Variants in LPCAT2 observed in about 807,000 individuals in gnomAD.
LPCAT2 encodes the protein 1-AGP acyltransferase 11.
In LPCAT2, 58 loss-of-function variants were observed where a neutral mutation model predicts 64.7. The observed-to-expected ratio is 0.90, with a 90% CI of 0.73 to 1.12. The LOEUF is 1.12. Among genes scored for constraint, LPCAT2 ranks in the 50% most tolerant of loss-of-function variants. The pLI is 0.00. For missense variants in LPCAT2, 579 were observed against 669.8 expected, an observed-to-expected ratio of 0.86 and a Z score of 1.50; for synonymous variants, 252 against 245.3, an observed-to-expected ratio of 1.03 and a Z score of -0.26.
chr16:55,534,392 AT>A (rs1410502702), intron 6 of LPCAT2, 50 bp from the exon 7 acceptor site: 1 of 1,055,550 alleles, frequency 9.5e-7, no homozygotes, highest in African/African-American at 1.6e-5. Context: ...TCTTTATTTT[AT>A]TTAGTATTTT....
At chr16:55,571,613 T>C (rs1371517540) in intron 11 of LPCAT2, among the ~76,000 whole-genome samples, 1 of 152,172 alleles carries the variant, frequency 6.6e-6, no homozygotes, top group African/African-American at 2.4e-5. Flanking sequence ...CCCTGAAATA[T>C]CTTCAAGTCT....
intron 8 of LPCAT2, chr16:55,545,531 A>G: frequency 2.4e-6 from 1 of 414,754 alleles, no homozygotes; most frequent in Non-Finnish European, 4.3e-6. Flanking sequence ...ATCAAAGTTA[A>G]ATGACATACT....
Position 55,551,023 on chromosome 16 carries a change from T to C in LPCAT2, c.1136T>C (p.Ile379Thr), listed in dbSNP as rs1963511080. 1.9e-6 allele frequency: 3 copies of C among 1,613,304 alleles called. No homozygotes were observed. The highest frequency in any genetic ancestry group is 2.2e-5 in the South Asian group (2 of 91,014). ...GCGAGTTCCTCAAAAGGAGGAAGAA[T>C]TGGAATTGAAGAATTCGCCAAGTAT... ...SIASSSKGGR[I>T]GIEEFAKYLK... The change falls in exon 11 of 14, where the codon ATT (isoleucine) becomes ACT (threonine). Residue 379 changes from isoleucine to threonine, a missense_variant. By Grantham distance (89) the Ile-to-Thr change is moderately conservative. Coordinates refer to ENST00000262134, the MANE Select transcript of LPCAT2 (RefSeq NM_017839.5).
In LPCAT2 at chr16:55,562,103, A is replaced by T. The variant is rs527712825; in HGVS notation, c.1215+11001A>T. 2.2e-4 allele frequency among the ~76,000 whole-genome samples: 33 copies of T among 151,966 alleles called. No individual in the cohort carries two copies. In the Middle Eastern group the frequency reaches 0.01, roughly 47 times the overall value. On this transcript the variant is annotated intron_variant, in intron 11 of 13. Transcript: ENST00000262134. ...GTTTCTACAATTACTTGTGAGAGAG[A>T]CTCTGCCACATAGCAGTTCAAACCC...
At chr16:55,552,718 G>C (rs369922059) in intron 11 of LPCAT2, among the ~76,000 whole-genome samples, 1 of 152,170 alleles carries the variant, frequency 6.6e-6, no homozygotes, top group Admixed American at 6.5e-5. Flanking sequence ...AATAAACAAT[G>C]TGTATACCTT....
At chr16:55,512,973 A>G (rs1209879305) in intron 1 of LPCAT2, among the ~76,000 whole-genome samples, 2 of 152,226 alleles carry the variant, frequency 1.3e-5, no homozygotes, top group African/African-American at 4.8e-5. Context: ...AATTTTACCT[A>G]CCTGCCAGGA....
chr16:55,549,811 A>T (rs1293465742), intron 10 of LPCAT2, among the ~76,000 whole-genome samples: 1 of 152,246 alleles, frequency 6.6e-6, no homozygotes, highest in Non-Finnish European at 1.5e-5. Flanking sequence ...ACCACCACTG[A>T]ACATTAAATA....
rs1345988296 is a variant in LPCAT2 at position 55,583,249 on chromosome 16, T to C, written c.*151T>C. ...TAGATTTTCTTACTAAAAATGTTTT[T>C]ATTAACCTTGCTTTTATTGGAAAAA... is the stretch of plus-strand genomic sequence containing the variant. On this transcript the variant is annotated 3_prime_UTR_variant, in exon 14 of 14. Transcript: ENST00000262134. The C allele has an allele frequency of 6.1e-6, 4 of 654,648 alleles. No homozygotes were observed. The highest frequency in any genetic ancestry group is 9.7e-6 in the Non-Finnish European group (4 of 411,010). 40.6% of individuals were successfully genotyped at this position (654,648 alleles called of 1,614,324 possible).
At position 55,574,731 on chromosome 16, in the gene LPCAT2, T is replaced by C. The variant is rs1963808933; in HGVS notation, c.1314+2T>C. On this transcript the variant is annotated splice_donor_variant, in intron 12 of 13. Transcript: ENST00000262134. LOFTEE classifies it high-confidence loss of function. ...GAGATCATCCAGGTGGCATTTAAGG[T>C]ACTGTCAGCCCCATTGAAAGCATCT... 6.2e-7 allele frequency: 1 copy of C among 1,611,170 alleles called. No individual in the cohort carries two copies. The highest frequency in any genetic ancestry group is 8.5e-7 in the Non-Finnish European group (1 of 1,177,630).
chr16:55,539,131 C>G (rs1963363576), intron 8 of LPCAT2: 1 of 151,804 alleles, frequency 6.6e-6, no homozygotes, highest in Admixed American at 6.6e-5. Flanking sequence ...ACAAAGCTGT[C>G]TTTTTTGCCA....
chr16:55,549,490 C>T (rs1963491254), intron 10 of LPCAT2, 88 bp downstream of exon 10: 3 of 1,241,052 alleles, frequency 2.4e-6, no homozygotes, highest in Non-Finnish European at 3.3e-6. Context: ...TTTATTAATG[C>T]TCAGCTCTAG....
At chr16:55,572,786 G>A (rs1053761127) in intron 11 of LPCAT2, among the ~76,000 whole-genome samples, 24 of 152,066 alleles carry the variant, frequency 1.6e-4, no homozygotes, top group African/African-American at 5.6e-4. Flanking sequence ...CATGCCTATG[G>A]ATAGCCACTG....
chr16:55,544,544 G>A (rs8059138), intron 8 of LPCAT2, among the ~76,000 whole-genome samples: 13,214 of 152,148 alleles, frequency 0.087, 838 homozygotes, highest in African/African-American at 0.17. Flanking sequence ...ATAAAATAAC[G>A]TATGTAAAAC....
intron 13 of LPCAT2, among the ~76,000 whole-genome samples, chr16:55,579,674 A>C (rs763302906): frequency 6.6e-6 from 1 of 152,196 alleles, no homozygotes; most frequent in Non-Finnish European, 1.5e-5. Context: ...GGCCAGGCAA[A>C]ACTGAACAAG....
At chr16:55,571,711 T>C (rs1963772235) in intron 11 of LPCAT2, among the ~76,000 whole-genome samples, 1 of 152,218 alleles carries the variant, frequency 6.6e-6, no homozygotes, top group Non-Finnish European at 1.5e-5. Flanking sequence ...ATAATTCTTA[T>C]CATGATACTG....
intron 1 of LPCAT2, among the ~76,000 whole-genome samples, chr16:55,520,065 T>G (rs1358186815): frequency 1.3e-5 from 2 of 152,132 alleles, no homozygotes; most frequent in African/African-American, 4.8e-5. Context: ...ATAATTACAT[T>G]TAGTATACAT....
At chr16:55,560,511 C>T (rs1322403964) in intron 11 of LPCAT2, among the ~76,000 whole-genome samples, 1 of 152,082 alleles carries the variant, frequency 6.6e-6, no homozygotes, top group Non-Finnish European at 1.5e-5. Context: ...GTTGTAGAAC[C>T]AGACCCAGAT....
chr16:55,546,746 A>G (rs1963458428), intron 9 of LPCAT2, among the ~76,000 whole-genome samples: 1 of 152,176 alleles, frequency 6.6e-6, no homozygotes, highest in Admixed American at 6.5e-5. Flanking sequence ...TGTTTTATCT[A>G]GTTTCTAGAT....
chr16:55,548,934 C>T (rs531027220), intron 9 of LPCAT2, among the ~76,000 whole-genome samples: 73 of 152,336 alleles, frequency 4.8e-4, no homozygotes, highest in Middle Eastern at 3.4e-3. Flanking sequence ...GCTTCATCCA[C>T]AGCTGGTGAA....
Sources: gnomAD v4.1 joint callset for allele counts (sites outside exome capture counted in the v4.1 genomes callset) on GRCh38, gnomAD v4.1.1 for gene constraint, MANE v1.5 for transcripts, NCBI Gene and HGNC (gene_info 2026-07-23, HGNC 2026-07-21) for gene names.